Variants in HMCN1 observed in about 807,000 individuals in gnomAD.
HMCN1 encodes hemicentin 1, also known as hemicentin-1.
Under a neutral mutation model 625.9 loss-of-function variants are expected in HMCN1, and 321 were observed. The ratio of observed to expected loss-of-function variants is 0.51; its 90% CI spans 0.47 to 0.56. HMCN1 has a LOEUF of 0.56. HMCN1 is among the 20% of genes least tolerant of loss of function. HMCN1 has a pLI of 0.00. For synonymous variants in HMCN1, 2,425 were observed against 2,417.6 expected, an observed-to-expected ratio of 1.00 and a Z score of -0.09; for missense variants, 6,588 against 6,887.3, an observed-to-expected ratio of 0.96 and a Z score of 1.54.
At position 186,053,038 on chromosome 1, in the gene HMCN1, G is replaced by C; in HGVS notation, c.6664G>C (p.Gly2222Arg). Residue 2222 changes from glycine to arginine, a missense_variant, in exon 43 of 107, where the codon GGT (glycine) becomes CGT (arginine). Transcript: ENST00000271588. ...CATTAGTCTGTTGTGTGAATCAAGT[G>C]GTATTCCACCCCCAAATCTCATCTG... The part of the protein sequence containing the change: ...NLISLLCESS[G>R]IPPPNLIWKK... 1 of 1,609,692 alleles carries C rather than the reference G, an allele frequency of 6.2e-7. No individual in the cohort carries two copies. The highest frequency in any genetic ancestry group is 8.5e-7 in the Non-Finnish European group (1 of 1,176,920).
intron 17 of HMCN1, 54 bp from the exon 18 acceptor site, chr1:185,982,208 C>T: frequency 1.3e-6 from 2 of 1,598,852 alleles, no homozygotes; most frequent in Non-Finnish European, 1.7e-6. Context: ...AAGTGGCTTA[C>T]CTTTCTTTTG....
At chr1:186,074,298 CAAAAGT>C (rs1558198227) in intron 52 of HMCN1, among the ~76,000 whole-genome samples, 4 of 151,616 alleles carry the variant, frequency 2.6e-5, no homozygotes, top group African/African-American at 9.7e-5. Flanking sequence ...TCTGAATGAA[CAAAAGT>C]AATTTAGATC....
intron 71 of HMCN1, among the ~76,000 whole-genome samples, chr1:186,110,974 A>ATTTTTTTTTTTTTTTTTTTTTTT (rs778503338): frequency 5.0e-5 from 3 of 59,948 alleles, no homozygotes; most frequent in Non-Finnish European, 8.2e-5. Context: ...ACCAGAGAAA[A>ATTTTTTTTTTTTTTTTTTTTTTT]TTCTTTTTTT....
intron 36 of HMCN1, among the ~76,000 whole-genome samples, chr1:186,026,436 A>T (rs1324222623): frequency 6.6e-6 from 1 of 152,216 alleles, no homozygotes; most frequent in Non-Finnish European, 1.5e-5. Flanking sequence ...CAGAAGTTAC[A>T]GTATAAGGAA....
chr1:186,133,073 A>G (rs1558248162), intron 86 of HMCN1, among the ~76,000 whole-genome samples: 1 of 152,084 alleles, frequency 6.6e-6, no homozygotes, highest in Non-Finnish European at 1.5e-5. Flanking sequence ...CCAAGTTTTG[A>G]ATACTAGTTC....
At chr1:186,008,114 T>C (rs1167375376) in intron 30 of HMCN1, among the ~76,000 whole-genome samples, 1 of 152,202 alleles carries the variant, frequency 6.6e-6, no homozygotes, top group African/African-American at 2.4e-5. Flanking sequence ...ATAGGTTTAT[T>C]TACTTATGAT....
chr1:186,007,554 G>A (rs1196458937), intron 30 of HMCN1, among the ~76,000 whole-genome samples: 1 of 152,010 alleles, frequency 6.6e-6, no homozygotes, highest in Non-Finnish European at 1.5e-5. Flanking sequence ...TAATTGGTTA[G>A]TATATACACA....
chr1:185,749,690 T>A (rs1332575529), intron 1 of HMCN1, among the ~76,000 whole-genome samples: 1 of 152,180 alleles, frequency 6.6e-6, no homozygotes. Context: ...AGTTCTCATC[T>A]CCCTCTACAG....
At chr1:185,944,466 G>A (rs1668236372) in intron 11 of HMCN1, among the ~76,000 whole-genome samples, 1 of 152,168 alleles carries the variant, frequency 6.6e-6, no homozygotes, top group Admixed American at 6.5e-5. Flanking sequence ...AAGAAAAATA[G>A]AAAAGGTACA....
intron 1 of HMCN1, among the ~76,000 whole-genome samples, chr1:185,806,231 G>T (rs1349800637): frequency 6.6e-6 from 1 of 152,050 alleles, no homozygotes; most frequent in East Asian, 1.9e-4. Flanking sequence ...GAGATTAAAT[G>T]CCTGAACAAC....
At chr1:185,873,402 A>G (rs1485253621) in intron 4 of HMCN1, among the ~76,000 whole-genome samples, 3 of 152,086 alleles carry the variant, frequency 2.0e-5, no homozygotes, top group Non-Finnish European at 2.9e-5. Flanking sequence ...ATTGAGAAAA[A>G]TTGTCCCAGA....
At position 186,117,130 on chromosome 1, in the gene HMCN1, G is replaced by A; in HGVS notation, c.11683+15G>A. On this transcript the variant is annotated intron_variant, in intron 76 of 106. Transcript: ENST00000271588. Reference sequence around the variant, plus strand: ...CACTGTCCAAGGTAGAATTGGCTTGGAACATGGATTGAAACATGATAATGC... The same window carrying A: ...CACTGTCCAAGGTAGAATTGGCTTGAAACATGGATTGAAACATGATAATGC... 6.2e-7 allele frequency: 1 copy of A among 1,612,614 alleles called. No individual in the cohort carries two copies. Among genetic ancestry groups the A allele is most frequent in the Non-Finnish European group, 8.5e-7 (1 of 1,179,220 alleles).
intron 100 of HMCN1, among the ~76,000 whole-genome samples, chr1:186,168,224 G>C (rs1651998402): frequency 6.6e-6 from 1 of 150,750 alleles, no homozygotes; most frequent in South Asian, 2.1e-4. Flanking sequence ...AAGGTAAAAA[G>C]GGAGAAGGGA....
chr1:186,088,806 A>G, intron 63 of HMCN1, 51 bp downstream of exon 63: 2 of 1,511,758 alleles, frequency 1.3e-6, no homozygotes, highest in Non-Finnish European at 1.8e-6. Context: ...TATTCCATTT[A>G]TAGTACAAAA....
chr1:186,056,474 C>A (rs962579337), intron 45 of HMCN1, among the ~76,000 whole-genome samples: 1 of 151,836 alleles, frequency 6.6e-6, no homozygotes, highest in African/African-American at 2.4e-5. Flanking sequence ...GATTCATATT[C>A]ACAGTAGCAA....
intron 77 of HMCN1, 130 bp downstream of exon 77, chr1:186,117,753 A>G (rs1661205122): frequency 1.1e-6 from 1 of 921,170 alleles, no homozygotes; most frequent in African/African-American, 1.7e-5. Flanking sequence ...AAAATCTGGA[A>G]AACAGATTGT....
In HMCN1 at chr1:185,950,596, C is replaced by T. The variant is rs1303371808; in HGVS notation, c.1829-11922C>T. Among the ~76,000 whole-genome samples the T allele has an allele frequency of 3.3e-3, 499 of 151,474 alleles. 7 individuals carry two copies. Among genetic ancestry groups the T allele is most frequent in the African/African-American group, 0.012 (474 of 41,050 alleles). ...ACGTGTGTTTTTATGAGAATTATGC[C>T]GAGATAGGTAACAGATGAGGAAGAA... is the stretch of plus-strand genomic sequence containing the variant. On this transcript the variant is annotated intron_variant, in intron 11 of 106. Transcript: ENST00000271588.
intron 81 of HMCN1, among the ~76,000 whole-genome samples, chr1:186,125,117 C>T (rs74360764): frequency 3.9e-5 from 6 of 152,122 alleles, no homozygotes; most frequent in Non-Finnish European, 5.9e-5. Flanking sequence ...ATGTAAAATA[C>T]TGCAATAAGT....
chr1:185,801,093 G>A (rs1260922925), intron 1 of HMCN1, among the ~76,000 whole-genome samples: 2 of 152,132 alleles, frequency 1.3e-5, no homozygotes, highest in Non-Finnish European at 2.9e-5. Context: ...CTGTACACAA[G>A]AGGTGCTTCA....
Sources: allele counts gnomAD v4.1 joint callset (sites outside exome capture counted in the v4.1 genomes callset), GRCh38; gene constraint gnomAD v4.1.1; transcripts MANE v1.5; gene names NCBI Gene and HGNC (gene_info 2026-07-23, HGNC 2026-07-21).